Variants in ERC1 observed in about 807,000 individuals in gnomAD.
ERC1 encodes the protein ELKS/RAB6-interacting/CAST family member 1.
ERC1 carries 56 observed loss-of-function variants against 132.0 expected under a neutral mutation model. The ratio of observed to expected loss-of-function variants is 0.42; its 90% CI spans 0.34 to 0.53. The LOEUF is 0.53. ERC1 is among the 20% of genes least tolerant of loss of function. The pLI is 0.03. For missense variants in ERC1, 1,202 were observed against 1,349.9 expected (o/e 0.89, Z 1.72); for synonymous variants, 478 against 476.1 (o/e 1.00, Z -0.05).
At chr12:1,036,137 GT>G (rs1969032303) in intron 2 of ERC1, among the ~76,000 whole-genome samples, 1 of 152,058 alleles carries the variant, frequency 6.6e-6, no homozygotes, top group Non-Finnish European at 1.5e-5. Flanking sequence ...TGAATTTAAT[GT>G]TTTTTGCCTT....
intron 1 of ERC1, among the ~76,000 whole-genome samples, chr12:1,001,376 G>A (rs1313172299): frequency 6.6e-6 from 1 of 152,192 alleles, no homozygotes. Context: ...CGTCTTGAAT[G>A]TAACACATAT....
intron 15 of ERC1, among the ~76,000 whole-genome samples, chr12:1,297,727 A>C (rs532650511): frequency 1.1e-3 from 165 of 151,732 alleles, no homozygotes; most frequent in Admixed American, 2.7e-3. Context: ...AAAAAAAAAA[A>C]AACACAGACA....
At chr12:1,074,377 G>C (rs1056185208) in intron 2 of ERC1, among the ~76,000 whole-genome samples, 4 of 151,828 alleles carry the variant, frequency 2.6e-5, no homozygotes, top group African/African-American at 9.7e-5. Flanking sequence ...GCGTGATCTT[G>C]GCATCCTCCA....
intron 15 of ERC1, among the ~76,000 whole-genome samples, chr12:1,290,902 C>T (rs527850265): frequency 2.4e-4 from 37 of 152,182 alleles, no homozygotes; most frequent in African/African-American, 8.4e-4. Flanking sequence ...GCCTCAGCAG[C>T]CTTTCACTGT....
chr12:1,084,681 A>T lies in ERC1; in HGVS notation c.1086+1101A>T, dbSNP rs78331360. Among the ~76,000 whole-genome samples the T allele has an allele frequency of 1.3e-3, 178 of 134,894 alleles. 1 individual carries two copies. The East Asian group carries it at 0.027, about 21-fold the overall frequency. The allele number at this position is 134,894 out of a possible 152,430, so 88.5% of individuals were successfully genotyped here. On this transcript the variant is annotated intron_variant, in intron 3 of 18. Transcript: ENST00000360905. Reference sequence around the variant, plus strand: ...ATATGCTTCCAGTCATTTTTTTTTTATTTTAAATTTTTATTGTTTTTATTT... The same window carrying T: ...ATATGCTTCCAGTCATTTTTTTTTTTTTTTAAATTTTTATTGTTTTTATTT...
chr12:990,952 A>AGTGT (rs138094397), upstream of ERC1: 51,215 of 149,944 alleles, frequency 0.34, 9,054 homozygotes, highest in African/African-American at 0.4. Context: ...TGTGTGTGTG[A>AGTGT]GTGTGTGTGT....
At chr12:1,276,885 A>T (rs764847532) in intron 14 of ERC1, among the ~76,000 whole-genome samples, 7 of 152,240 alleles carry the variant, frequency 4.6e-5, no homozygotes, top group African/African-American at 7.2e-5. Context: ...TTATCTAAAC[A>T]GTGTTTTGAA....
intron 3 of ERC1, among the ~76,000 whole-genome samples, chr12:1,102,944 C>G (rs1187672972): frequency 2.0e-5 from 3 of 152,218 alleles, no homozygotes; most frequent in Admixed American, 1.3e-4. Flanking sequence ...TGAATCTCCA[C>G]ATGCTCATCA....
At position 1,494,528 on chromosome 12, in the gene ERC1, C is replaced by T. The variant is rs773202272; in HGVS notation, c.*4298C>T. On this transcript the variant is annotated 3_prime_UTR_variant, in exon 19 of 19. Coordinates refer to ENST00000360905, the MANE Select transcript of ERC1 (RefSeq NM_178040.4). ...TCTTCACCTACTCTTCAGCAAAAACCGTCTCCAGACTTTTTAGTGTCAAAA... is the reference window on the plus strand; with the variant it reads ...TCTTCACCTACTCTTCAGCAAAAACTGTCTCCAGACTTTTTAGTGTCAAAA... 8.6e-5 allele frequency: 20 copies of T among 231,422 alleles called. No individual in the cohort carries two copies. The highest frequency in any genetic ancestry group is 1.7e-4 in the Admixed American group (3 of 17,742). 14.3% of individuals were successfully genotyped at this position (231,422 alleles called of 1,614,324 possible).
intron 2 of ERC1, among the ~76,000 whole-genome samples, chr12:1,053,047 G>A (rs1466914318): frequency 6.6e-6 from 1 of 152,134 alleles, no homozygotes; most frequent in Non-Finnish European, 1.5e-5. Flanking sequence ...ATAGTTCATG[G>A]AATTAATAAG....
intron 13 of ERC1, among the ~76,000 whole-genome samples, chr12:1,261,047 A>G (rs1302374945): frequency 6.6e-6 from 1 of 152,238 alleles, no homozygotes; most frequent in Non-Finnish European, 1.5e-5. Context: ...ATAATGAAAC[A>G]CTATGAAACT....
intron 11 of ERC1, among the ~76,000 whole-genome samples, chr12:1,187,240 A>G (rs78870024): frequency 0.21 from 31,794 of 152,144 alleles, 3,790 homozygotes; most frequent in Non-Finnish European, 0.27. Context: ...TAAGGGGTTT[A>G]AAATTCTTGG....
intron 15 of ERC1, among the ~76,000 whole-genome samples, chr12:1,324,945 G>T (rs1296701824): frequency 6.6e-6 from 1 of 152,144 alleles, no homozygotes; most frequent in Non-Finnish European, 1.5e-5. Flanking sequence ...AGCCCACACA[G>T]GAGGCAACTT....
intron 13 of ERC1, among the ~76,000 whole-genome samples, chr12:1,254,454 T>A (rs1374141184): frequency 6.6e-6 from 1 of 152,186 alleles, no homozygotes; most frequent in African/African-American, 2.4e-5. Context: ...AAACCACAAT[T>A]ACTTTGGCAC....
intron 12 of ERC1, among the ~76,000 whole-genome samples, chr12:1,199,216 T>G (rs939264672): frequency 1.4e-5 from 2 of 140,666 alleles, no homozygotes; most frequent in African/African-American, 5.4e-5. Flanking sequence ...AACATGAGAG[T>G]TGGGTGGGGA....
chr12:1,353,451 GAC>G (rs1445860827), intron 15 of ERC1, among the ~76,000 whole-genome samples: 2 of 152,182 alleles, frequency 1.3e-5, no homozygotes, highest in African/African-American at 4.8e-5. Context: ...GTTACAAAGA[GAC>G]AGCTCTTTCA....
At chr12:1,062,906 T>C (rs1317540926) in intron 2 of ERC1, among the ~76,000 whole-genome samples, 2 of 152,222 alleles carry the variant, frequency 1.3e-5, no homozygotes, top group Non-Finnish European at 2.9e-5. Context: ...CATATGTGTT[T>C]ATAGTTGTTA....
chr12:1,091,888 G>A (rs1209562976), intron 3 of ERC1, among the ~76,000 whole-genome samples: 4 of 152,212 alleles, frequency 2.6e-5, no homozygotes, highest in Non-Finnish European at 5.9e-5. Flanking sequence ...TATCACTAGC[G>A]TATCAGGAAG....
At chr12:1,153,280 T>C (rs948860851) in intron 8 of ERC1, among the ~76,000 whole-genome samples, 2 of 152,278 alleles carry the variant, frequency 1.3e-5, no homozygotes, top group African/African-American at 4.8e-5. Flanking sequence ...CTCTCTGTTC[T>C]AGAACTCTGA....
Sources: allele counts gnomAD v4.1 joint callset (sites outside exome capture counted in the v4.1 genomes callset), GRCh38; gene constraint gnomAD v4.1.1; transcripts MANE v1.5; gene names NCBI Gene and HGNC (gene_info 2026-07-23, HGNC 2026-07-21).